Variants in STK31 observed in about 807,000 individuals in gnomAD.
STK31 encodes the protein serine/threonine kinase 31, also known as serine/threonine-protein kinase 31.
Under a neutral mutation model 129.7 loss-of-function variants are expected in STK31, and 89 were observed. The ratio of observed to expected loss-of-function variants is 0.69; its 90% CI spans 0.58 to 0.82. The LOEUF (loss-of-function observed/expected upper bound fraction) is 0.82. Among genes scored for constraint, STK31 ranks in the 40% least tolerant of loss-of-function variants. STK31 has a pLI of 0.00. For synonymous variants in STK31, 448 were observed against 395.3 expected, an observed-to-expected ratio of 1.13 and a Z score of -1.58; for missense variants, 1,187 against 1,176.4, an observed-to-expected ratio of 1.01 and a Z score of -0.13.
chr7:23,771,251 T>A, intron 14 of STK31, 127 bp downstream of exon 14: 1 of 847,862 alleles, frequency 1.2e-6, no homozygotes, highest in Non-Finnish European at 1.7e-6. Flanking sequence ...CACTGTCAAC[T>A]GGAAATGGTG....
rs1198326840 is a variant in STK31, at chr7:23,714,267, G to A, written c.150+1981G>A. ...TTCTGCTTATGCATATTCTCTAAAGGTTGCTCACACGTTCTGGTTCCATGC... is the reference window on the plus strand; with the variant it reads ...TTCTGCTTATGCATATTCTCTAAAGATTGCTCACACGTTCTGGTTCCATGC... On this transcript the variant is annotated intron_variant, in intron 3 of 23. Transcript: ENST00000355870. Among the ~76,000 whole-genome samples the A allele has an allele frequency of 7.9e-5, 12 of 152,186 alleles. 1 individual carries two copies. The highest frequency in any genetic ancestry group is 6.5e-4 in the Admixed American group (10 of 15,288).
At chr7:23,797,895 C>A (rs1296337177) in intron 22 of STK31, among the ~76,000 whole-genome samples, 2 of 152,018 alleles carry the variant, frequency 1.3e-5, no homozygotes, top group African/African-American at 4.8e-5. Flanking sequence ...CAAATAGACA[C>A]AATAAAAAAT....
At chr7:23,725,372 C>A (rs368854866) in intron 4 of STK31, among the ~76,000 whole-genome samples, 354 of 57,692 alleles carry the variant, frequency 6.1e-3, no homozygotes, top group Non-Finnish European at 7.0e-3. Context: ...CCTGTTTCTA[C>A]AAAAAAAAAA....
chr7:23,721,437 C>T, intron 4 of STK31: 2 of 1,065,332 alleles, frequency 1.9e-6, no homozygotes, highest in East Asian at 2.5e-5. Flanking sequence ...TTTTCTTCCT[C>T]TTCTTTGTTA....
chr7:23,801,295 GATA>G (rs1792352693), intron 22 of STK31, among the ~76,000 whole-genome samples: 1 of 152,096 alleles, frequency 6.6e-6, no homozygotes, highest in Non-Finnish European at 1.5e-5. Context: ...TTCTCTAATA[GATA>G]ATGATGTTGA....
At chr7:23,762,235 C>G (rs573518094) in intron 10 of STK31, among the ~76,000 whole-genome samples, 7 of 138,846 alleles carry the variant, frequency 5.0e-5, no homozygotes, top group Admixed American at 3.7e-4. Context: ...ATCCCTCCCC[C>G]CTCCCTCCAC....
At chr7:23,727,414 A>G in intron 5 of STK31, 99 bp downstream of exon 5, 1 of 931,444 alleles carries the variant, frequency 1.1e-6, no homozygotes. Context: ...TATTCGTAGT[A>G]CTGATACCTG....
chr7:23,822,409 T>C lies in STK31; in HGVS notation c.2829+7197T>C, dbSNP rs150985432. ...TATTTTGTAGCTGTTGTAAATGGGA[T>C]TACTTTCTTGATGTCTTTCTTAGCT... On this transcript the variant is annotated intron_variant, in intron 23 of 23. Coordinates refer to ENST00000355870, the MANE Select transcript of STK31 (RefSeq NM_031414.5). Among the ~76,000 whole-genome samples the C allele has an allele frequency of 4.3e-3, 660 of 152,276 alleles. 8 individuals are homozygous for C. The highest frequency in any genetic ancestry group is 0.015 in the African/African-American group (639 of 41,568).
rs1281813790 is a variant in STK31 at position 23,735,827 on chromosome 7, A to T, written c.773A>T (p.His258Leu). The T allele has an allele frequency of 6.2e-7, 1 of 1,610,914 alleles. No individual in the cohort carries two copies. The highest frequency in any genetic ancestry group is 8.5e-7 in the Non-Finnish European group (1 of 1,178,492). ...NQSTFSRPKGHLSEKMTLDLK... is the reference protein window; with the variant it reads ...NQSTFSRPKGLLSEKMTLDLK... ...TCAACCTTCAGCAGGCCCAAGGGGC[A>T]CTTAAGTGAGAAAATGACTCTTGAC... Residue 258 changes from histidine to leucine, a missense_variant, in exon 7 of 24, where the codon CAC (histidine) becomes CTC (leucine). By Grantham distance (99) the His-to-Leu change is moderately conservative. Coordinates refer to ENST00000355870, the MANE Select transcript of STK31 (RefSeq NM_031414.5).
At chr7:23,789,542 A>G (rs1280593046) in intron 21 of STK31, among the ~76,000 whole-genome samples, 1 of 152,122 alleles carries the variant, frequency 6.6e-6, no homozygotes, top group Admixed American at 6.6e-5. Context: ...ATATAGTCTT[A>G]ATGGTTTTGA....
At chr7:23,725,149 A>G (rs867909081) in intron 4 of STK31, among the ~76,000 whole-genome samples, 1 of 152,144 alleles carries the variant, frequency 6.6e-6, no homozygotes, top group South Asian at 2.1e-4. Context: ...TTGGAGGGCT[A>G]CAGACCATTG....
chr7:23,772,397 T>A (rs773357222), intron 15 of STK31, 119 bp downstream of exon 15: 12 of 1,074,598 alleles, frequency 1.1e-5, no homozygotes, highest in Non-Finnish European at 1.4e-5. Flanking sequence ...ACATTCACAT[T>A]TTGTTTTATA....
chr7:23,765,123 C>T (rs773649240), intron 11 of STK31, among the ~76,000 whole-genome samples: 56 of 151,848 alleles, frequency 3.7e-4, no homozygotes, highest in Non-Finnish European at 7.2e-4. Context: ...TGGCCGATCT[C>T]CGCTCACTGC....
At chr7:23,811,949 T>A (rs1793160987) in intron 22 of STK31, among the ~76,000 whole-genome samples, 2 of 152,222 alleles carry the variant, frequency 1.3e-5, no homozygotes, top group Admixed American at 6.5e-5. Flanking sequence ...GTGGTGTAAT[T>A]TTGGTTTGGA....
chr7:23,741,852 C>T (rs940355360), intron 8 of STK31, among the ~76,000 whole-genome samples: 2 of 152,174 alleles, frequency 1.3e-5, no homozygotes, highest in Non-Finnish European at 2.9e-5. Context: ...GAGAGCCTGG[C>T]TTTTCTGCCC....
chr7:23,728,004 A>G (rs955130055), intron 5 of STK31, among the ~76,000 whole-genome samples: 1 of 150,592 alleles, frequency 6.6e-6, no homozygotes, highest in African/African-American at 2.4e-5. Flanking sequence ...GAATATTGTT[A>G]ATAATAATGA....
At chr7:23,743,455 A>G (rs1385306022) in intron 8 of STK31, among the ~76,000 whole-genome samples, 1 of 152,156 alleles carries the variant, frequency 6.6e-6, no homozygotes, top group Non-Finnish European at 1.5e-5. Flanking sequence ...CGCTTTGAAT[A>G]TATTGTTTCA....
intron 1 of STK31, chr7:23,710,594 C>T (rs950936): frequency 2.7e-4 from 350 of 1,316,892 alleles, no homozygotes; most frequent in Non-Finnish European, 3.2e-4. Context: ...ACACTCTCTT[C>T]CCCTTCTCGA....
chr7:23,712,373 A>G, intron 3 of STK31, 87 bp downstream of exon 3: 3 of 1,265,046 alleles, frequency 2.4e-6, no homozygotes, highest in Non-Finnish European at 3.4e-6. Flanking sequence ...CCAGGAATAA[A>G]TACATTTGTC....
Sources: allele counts gnomAD v4.1 joint callset (sites outside exome capture counted in the v4.1 genomes callset), GRCh38; gene constraint gnomAD v4.1.1; transcripts MANE v1.5; gene names NCBI Gene and HGNC (gene_info 2026-07-23, HGNC 2026-07-21).